Variants in ZIC3 observed in about 807,000 individuals in gnomAD.
The protein encoded by ZIC3 is Zic family zinc finger 3.
ZIC3 carries 6 observed loss-of-function variants against 18.3 expected under a neutral mutation model. That is an observed-to-expected ratio of 0.33 (90% CI 0.18 to 0.65). ZIC3 has a LOEUF of 0.65. ZIC3 is among the 30% of genes least tolerant of loss of function. The pLI is 0.75. For missense variants in ZIC3, 260 were observed against 410.0 expected, an observed-to-expected ratio of 0.63 and a Z score of 3.16; for synonymous variants, 175 against 177.0, an observed-to-expected ratio of 0.99 and a Z score of 0.09.
Position 137,566,847 on chromosome X carries a change from C to CGCCGCT in ZIC3, c.160_165dup (p.Ala54_Ala55dup), listed in dbSNP as rs766950526. Reference sequence around the variant, plus strand: ...CCCACGCCGCCGCCGCCGCCGCCGCCGCCGCTGCCTTCAAGCTGAGCCCTG... The same window carrying CGCCGCT: ...CCCACGCCGCCGCCGCCGCCGCCGCCGCCGCTGCCGCTGCCTTCAAGCTGAGCCCTG... On this transcript the variant is annotated inframe_insertion, in exon 1 of 3. Transcript: ENST00000287538. The CGCCGCT allele has an allele frequency of 2.4e-5, 28 of 1,162,092 alleles. No individual in the cohort carries two copies. Among genetic ancestry groups the CGCCGCT allele is most frequent in the African/African-American group, 5.3e-5 (3 of 56,168 alleles).
chrX:137,573,338 G>GC (rs1278722626), downstream of ZIC3, among the ~76,000 whole-genome samples: 1 of 111,204 alleles, frequency 9.0e-6, no homozygotes, highest in Non-Finnish European at 1.9e-5. Flanking sequence ...CTATTTCCAC[G>GC]CAAGACAGAA....
In ZIC3 at chrX:137,571,572, G is replaced by A. The variant is rs768560560; in HGVS notation, c.*1502G>A. 3 of 112,181 alleles carry A rather than the reference G, an allele frequency of 2.7e-5. No individual in the cohort carries two copies. Among genetic ancestry groups the A allele is most frequent in the Admixed American group, 9.5e-5 (1 of 10,547 alleles). 9.2% of individuals were successfully genotyped at this position (112,181 alleles called of 1,213,427 possible). On this transcript the variant is annotated 3_prime_UTR_variant, in exon 3 of 3. Coordinates refer to ENST00000287538, the MANE Select transcript of ZIC3 (RefSeq NM_003413.4). ...CAATTATCCATAACATTTATATAGC[G>A]GTGTAATAACTGCAGCAGTTCTGAA... is the stretch of plus-strand genomic sequence containing the variant.
At chrX:137,577,367 A>G in exon 3 of ZIC3, 1 of 380,466 alleles carries the variant, frequency 2.6e-6, no homozygotes, top group African/African-American at 2.5e-5. Flanking sequence ...TAAAAAGACT[A>G]TTTTCTTCTT....
chrX:137,567,880 G>C, intron 1 of ZIC3, 129 bp downstream of exon 1: 5 of 1,115,534 alleles, frequency 4.5e-6, no homozygotes, highest in Non-Finnish European at 6.1e-6. Context: ...GCTCGAAAAA[G>C]AAGCGCTGTC....
chrX:137,569,901 C>A lies in ZIC3; in HGVS notation c.1235C>A (p.Ser412Tyr). The A allele has an allele frequency of 8.3e-7, 1 of 1,210,513 alleles. No homozygotes were observed. The highest frequency in any genetic ancestry group is 1.1e-6 in the Non-Finnish European group (1 of 894,742). The change falls in exon 3 of 3, where the codon TCT becomes TAT. Residue 412 changes from serine (S) to tyrosine (Y), a missense_variant. This residue lies in a region of ZIC3 where 52 missense variants were observed against 111.5 expected (regional missense o/e 0.47). Transcript: ENST00000287538. ...ACATGTTAATTTTAGGTTCATGAAT[C>A]TCAAGGGTCAGATTCCTCCCCTGCT... is the stretch of plus-strand genomic sequence containing the variant. Reference protein sequence around the residue: ...SLRKHMKVHESQGSDSSPAAS... With the variant: ...SLRKHMKVHEYQGSDSSPAAS...
Position 137,568,342 on chromosome X carries a change from C to CGA in ZIC3, c.1061-560_1061-559insGA, listed in dbSNP as rs1454937397. On this transcript the variant is annotated intron_variant, in intron 1 of 2. Coordinates refer to ENST00000287538, the MANE Select transcript of ZIC3 (RefSeq NM_003413.4). ...TCTGGAGCCCCCTGGATCGATCGAT[C>CGA]TATCTATCTATCTATCTATCTATCT... Among the ~76,000 whole-genome samples the CGA allele has an allele frequency of 4.0e-3, 309 of 77,155 alleles. 2 individuals carry two copies. The highest frequency in any genetic ancestry group is 8.9e-3 in the African/African-American group (173 of 19,422). 67.0% of individuals were successfully genotyped at this position (77,155 alleles called of 115,157 possible). A position where few individuals can be genotyped will look rare whatever the true frequency, so the allele number is the denominator to read the frequency against.
At position 137,566,268 on chromosome X, in the gene ZIC3, C is replaced by A. The variant is rs933941596; in HGVS notation, c.-424C>A. ...GCTCCGCCACTTGGCGCAGCCCAGC[C>A]CGGAGGCCGGTACCCAGGGAGCCTC... is the stretch of plus-strand genomic sequence containing the variant. On this transcript the variant is annotated 5_prime_UTR_variant, in exon 1 of 3. Transcript: ENST00000287538. 38 of 173,768 alleles carry A rather than the reference C, an allele frequency of 2.2e-4. No homozygotes were observed. In the Admixed American group the frequency reaches 2.3e-3, roughly 11 times the overall value. 14.3% of individuals were successfully genotyped at this position (173,768 alleles called of 1,213,427 possible).
chrX:137,574,470 G>C (rs996322035), downstream of ZIC3, among the ~76,000 whole-genome samples: 1 of 113,493 alleles, frequency 8.8e-6, no homozygotes, highest in African/African-American at 3.2e-5. Context: ...TGGGAGGAAA[G>C]AGGAGGCTCC....
In ZIC3 at chrX:137,566,964, C is replaced by T. The variant is rs1931354863; in HGVS notation, c.273C>T (p.His91=). ...YANALGHHHH[H]HHHHHHTSQV... ...ACGCCCTGGGCCACCATCACCACCACCATCACCATCATCACCACACCAGCC... is the reference window on the plus strand; with the variant it reads ...ACGCCCTGGGCCACCATCACCACCATCATCACCATCATCACCACACCAGCC... Residue 91 remains histidine, a synonymous_variant, in exon 1 of 3, where the codon CAC becomes CAT. Transcript: ENST00000287538. The T allele has an allele frequency of 8.6e-7, 1 of 1,167,338 alleles. No homozygotes were observed. Among genetic ancestry groups the T allele is most frequent in the Non-Finnish European group, 1.1e-6 (1 of 873,188 alleles).
downstream of ZIC3, among the ~76,000 whole-genome samples, chrX:137,575,727 G>A (rs968652692): frequency 9.0e-6 from 1 of 111,287 alleles, no homozygotes; most frequent in African/African-American, 3.3e-5. Context: ...GGGCCACCTT[G>A]GGAAGGGCCC....
chrX:137,566,743 A>G lies in ZIC3; in HGVS notation c.52A>G (p.Ser18Gly). 1 of 1,191,564 alleles carries G rather than the reference A, an allele frequency of 8.4e-7. No individual in the cohort carries two copies. The highest frequency in any genetic ancestry group is 1.1e-6 in the Non-Finnish European group (1 of 886,480). Residue 18 changes from serine to glycine, a missense_variant, in exon 1 of 3, where the codon AGC becomes GGC. Physicochemically the swap from Ser to Gly is moderately conservative, Grantham distance 56. Coordinates refer to ENST00000287538, the MANE Select transcript of ZIC3 (RefSeq NM_003413.4). ...GCAGTTCCCTGGGCTGGGAGTGGGC[A>G]GCTTCGGCGCGCCGCGCCACCACGA... ...GPQFPGLGVG[S>G]FGAPRHHEMP...
chrX:137,568,918 A>G lies in ZIC3; in HGVS notation c.1077A>G (p.Lys359=). 1 of 1,209,940 alleles carries G rather than the reference A, an allele frequency of 8.3e-7. No individual in the cohort carries two copies. The highest frequency in any genetic ancestry group is 1.1e-6 in the Non-Finnish European group (1 of 894,818). ...KRTHTGEKPF[K]CEFEGCDRRF... is the part of the protein sequence containing the mutation. ...CTTTTGCAGGTGAGAAACCTTTCAA[A>G]TGTGAATTTGAAGGCTGTGACAGAC... Residue 359 remains lysine (K), a synonymous_variant, in exon 2 of 3, where the codon AAA becomes AAG. Coordinates refer to ENST00000287538, the MANE Select transcript of ZIC3 (RefSeq NM_003413.4).
chrX:137,571,014 G>T lies in ZIC3; in HGVS notation c.*944G>T, dbSNP rs935880874. On this transcript the variant is annotated 3_prime_UTR_variant, in exon 3 of 3. Coordinates refer to ENST00000287538, the MANE Select transcript of ZIC3 (RefSeq NM_003413.4). ...TTCCTTACAGTGTCAGTTTCCATCT[G>T]GGAAGACTCTCCTTTCTTTATCTCT... 1 of 112,250 alleles carries T rather than the reference G, an allele frequency of 8.9e-6. No individual in the cohort carries two copies. The highest frequency in any genetic ancestry group is 3.2e-5 in the African/African-American group (1 of 30,801). The allele number at this position is 112,250 out of a possible 1,213,427, so 9.3% of individuals were successfully genotyped here.
At chrX:137,574,658 T>C (rs1931490562), downstream of ZIC3, among the ~76,000 whole-genome samples, 1 of 111,520 alleles carries the variant, frequency 9.0e-6, no homozygotes, top group African/African-American at 3.3e-5. Flanking sequence ...GGGGATAGAG[T>C]TGAAAGCCGC....
At position 137,567,102 on chromosome X, in the gene ZIC3, C is replaced by T. The variant is rs1179672584; in HGVS notation, c.411C>T (p.His137=). 1 of 1,201,407 alleles carries T rather than the reference C, an allele frequency of 8.3e-7. No homozygotes were observed. Among genetic ancestry groups the T allele is most frequent in the Non-Finnish European group, 1.1e-6 (1 of 891,118 alleles). ...AGGCGGCCTCGGGTGGCGGGCAGCACGGGCTCTTCGCCGGCTCGGCGAGCA... is the reference window on the plus strand; with the variant it reads ...AGGCGGCCTCGGGTGGCGGGCAGCATGGGCTCTTCGCCGGCTCGGCGAGCA... The part of the protein sequence containing the change: ...LSEAASGGGQ[H]GLFAGSASSL... The change falls in exon 1 of 3, where the codon CAC becomes CAT. Residue 137 remains histidine, a synonymous_variant. Coordinates refer to ENST00000287538, the MANE Select transcript of ZIC3 (RefSeq NM_003413.4).
intron 1 of ZIC3, 88 bp from the exon 2 acceptor site, chrX:137,568,814 C>G: frequency 2.8e-6 from 3 of 1,080,699 alleles, no homozygotes; most frequent in African/African-American, 1.8e-5. Context: ...CCGGGAAGAC[C>G]GCCGGGAGCT....
downstream of ZIC3, among the ~76,000 whole-genome samples, chrX:137,575,533 A>G: frequency 9.0e-6 from 1 of 110,954 alleles, no homozygotes; most frequent in East Asian, 2.8e-4. Context: ...TTTGTGAGGA[A>G]AAAAAAAATG....
At position 137,566,858 on chromosome X, in the gene ZIC3, T is replaced by G; in HGVS notation, c.167T>G (p.Phe56Cys). ...GCCGCCGCCGCCGCCGCCGCTGCCT[T>G]CAAGCTGAGCCCTGCCGCGGCGCAC... ...AAAAAAAAAAFKLSPAAAHDL... is the reference protein window; with the variant it reads ...AAAAAAAAAACKLSPAAAHDL... Residue 56 changes from phenylalanine (F) to cysteine (C), a missense_variant, in exon 1 of 3, where the codon TTC becomes TGC. Phe to Cys is a radical substitution (Grantham distance 205). Transcript: ENST00000287538. 8.6e-7 allele frequency: 1 copy of G among 1,163,337 alleles called. No homozygotes were observed. The highest frequency in any genetic ancestry group is 1.1e-6 in the Non-Finnish European group (1 of 872,728).
chrX:137,569,825 C>G, intron 2 of ZIC3, 66 bp from the exon 3 acceptor site: 1 of 1,090,841 alleles, frequency 9.2e-7, no homozygotes, highest in Non-Finnish European at 1.3e-6. Flanking sequence ...GAATTCTGCT[C>G]TTGTTTTTGC....
Sources: allele counts gnomAD v4.1 joint callset (sites outside exome capture counted in the v4.1 genomes callset), GRCh38; gene constraint gnomAD v4.1.1; regional missense constraint gnomAD v4.1.1; transcripts MANE v1.5; gene names NCBI Gene and HGNC (gene_info 2026-07-23, HGNC 2026-07-21).